PCDHGA6: variants seen among roughly 807,000 people sequenced by gnomAD.
PCDHGA6 encodes protocadherin gamma subfamily A, 6, also known as protocadherin gamma-A6.
A neutral mutation model predicts 60.6 loss-of-function variants in PCDHGA6; 41 were observed. The ratio of observed to expected loss-of-function variants is 0.68; its 90% CI spans 0.53 to 0.88. PCDHGA6 has a LOEUF of 0.88. PCDHGA6 is among the 40% of genes least tolerant of loss of function. The probability of loss-of-function intolerance (pLI) is 0.00; values close to 1 mark genes in which losing one functional copy is unlikely to be tolerated. For missense variants in PCDHGA6, 1,312 were observed against 1,203.0 expected (o/e 1.09, Z -1.34); for synonymous variants, 594 against 524.4 (o/e 1.13, Z -1.81).
intron 1 of PCDHGA6, among the ~76,000 whole-genome samples, chr5:141,460,983 G>GTGTGTGTA (rs1554142949): frequency 2.2e-5 from 3 of 137,844 alleles, no homozygotes; most frequent in African/African-American, 7.7e-5. Flanking sequence ...GTGTGTGTGT[G>GTGTGTGTA]TATATATATA....
At position 141,486,996 on chromosome 5, in the gene PCDHGA6, A is replaced by G; in HGVS notation, c.2425-7811A>G. ...TCAGGTTACAATGCTTGGGTTTCCT[A>G]TCAGCTCCTGGAGGCCCCAGATCCC... On this transcript the variant is annotated intron_variant, in intron 1 of 3. Coordinates refer to ENST00000517434, the MANE Select transcript of PCDHGA6 (RefSeq NM_018919.3). This position sits in a 1 kb window ranked among gnomAD's most constrained non-coding sequence, Gnocchi z 5.0. 6.2e-7 allele frequency: 1 copy of G among 1,614,152 alleles called. No individual in the cohort carries two copies. Among genetic ancestry groups the G allele is most frequent in the Non-Finnish European group, 8.5e-7 (1 of 1,180,032 alleles).
intron 1 of PCDHGA6, chr5:141,394,900 C>T (rs959646500): frequency 3.7e-6 from 6 of 1,613,748 alleles, no homozygotes; most frequent in Non-Finnish European, 3.4e-6. Context: ...CTCGTGGTGG[C>T]AGTGGCTGCC....
chr5:141,474,626 G>A (rs1006911535), intron 1 of PCDHGA6, among the ~76,000 whole-genome samples: 5 of 152,288 alleles, frequency 3.3e-5, no homozygotes, highest in African/African-American at 9.6e-5. Flanking sequence ...CATCTCTTCC[G>A]GAAATATCCT....
chr5:141,443,848 G>A lies in PCDHGA6; in HGVS notation c.2425-50959G>A, dbSNP rs528933391. 2.6e-5 allele frequency among the ~76,000 whole-genome samples: 4 copies of A among 152,272 alleles called. No individual in the cohort carries two copies. The South Asian group carries it at 8.3e-4, about 32-fold the overall frequency. ...TTAGGTAAAATGGGTAATATGGAAA[G>A]TCTGAAAACTGAAAAAATTACTGAT... On this transcript the variant is annotated intron_variant, in intron 1 of 3. Transcript: ENST00000517434.
intron 1 of PCDHGA6, chr5:141,403,224 A>G (rs753308307): frequency 2.0e-5 from 32 of 1,613,820 alleles, no homozygotes; most frequent in Non-Finnish European, 2.5e-5. Context: ...GGTAGGATAG[A>G]CCGGGAGGAG....
intron 1 of PCDHGA6, chr5:141,396,613 C>G (rs1283036515): frequency 6.6e-6 from 1 of 151,276 alleles, no homozygotes; most frequent in Non-Finnish European, 1.5e-5. Context: ...GGGTGAGACT[C>G]CGTCTCAAAA....
intron 1 of PCDHGA6, among the ~76,000 whole-genome samples, chr5:141,420,686 C>T (rs781004859): frequency 1.3e-4 from 20 of 152,258 alleles, no homozygotes; most frequent in Admixed American, 4.6e-4. Context: ...TTATCGGGAC[C>T]GTATTATTTC....
intron 2 of PCDHGA6, among the ~76,000 whole-genome samples, chr5:141,495,994 T>C (rs2099765151): frequency 6.6e-6 from 1 of 152,146 alleles, no homozygotes; most frequent in Non-Finnish European, 1.5e-5. Flanking sequence ...ATCTCTCTTT[T>C]TCTTTTATCT....
Position 141,376,493 on chromosome 5 carries a change from C to T in PCDHGA6, c.2410C>T (p.Pro804Ser), listed in dbSNP as rs1772744309. 1 of 1,614,130 alleles carries T rather than the reference C, an allele frequency of 6.2e-7. No individual in the cohort carries two copies. The highest frequency in any genetic ancestry group is 8.5e-7 in the Non-Finnish European group (1 of 1,180,002). ...TQDLLETKGE[P>S]RQLQQAPPNT... is the part of the protein sequence containing the mutation. ...GGATTTACTTGAAACGAAAGGAGAACCCAGGCAACTTCAGGTGAGTTTCTT... is the reference window on the plus strand; with the variant it reads ...GGATTTACTTGAAACGAAAGGAGAATCCAGGCAACTTCAGGTGAGTTTCTT... The change falls in exon 1 of 4, where the codon CCC (proline) becomes TCC (serine). Residue 804 changes from proline (P) to serine (S), a missense_variant. Coordinates refer to ENST00000517434, the MANE Select transcript of PCDHGA6 (RefSeq NM_018919.3).
intron 2 of PCDHGA6, among the ~76,000 whole-genome samples, chr5:141,505,026 G>A (rs190826538): frequency 4.6e-5 from 7 of 152,316 alleles, no homozygotes; most frequent in African/African-American, 1.7e-4. Context: ...GCCTGGCACA[G>A]TGGCAGGTGC....
chr5:141,432,386 A>C lies in PCDHGA6; in HGVS notation c.2424+55879A>C. 1 of 1,614,204 alleles carries C rather than the reference A, an allele frequency of 6.2e-7. No homozygotes were observed. Among genetic ancestry groups the C allele is most frequent in the Non-Finnish European group, 8.5e-7 (1 of 1,180,032 alleles). ...GCGGGACAACGGGCACCCGCCCCTC[A>C]GCAGCAACGTGTCGTTGAGCCTGTT... On this transcript the variant is annotated intron_variant, in intron 1 of 3. Transcript: ENST00000517434. This position sits in a 1 kb window ranked among gnomAD's most constrained non-coding sequence, Gnocchi z 6.0.
rs1591273286 is a variant in PCDHGA6, at chr5:141,433,311, T to A, written c.2424+56804T>A. 11 of 870,402 alleles carry A rather than the reference T, an allele frequency of 1.3e-5. No individual in the cohort carries two copies. The East Asian group carries it at 2.9e-4, about 23-fold the overall frequency. 53.9% of individuals were successfully genotyped at this position (870,402 alleles called of 1,614,324 possible). A position where few individuals can be genotyped will look rare whatever the true frequency, so the allele number is the denominator to read the frequency against. On this transcript the variant is annotated intron_variant, in intron 1 of 3. Coordinates refer to ENST00000517434, the MANE Select transcript of PCDHGA6 (RefSeq NM_018919.3). Reference sequence around the variant, plus strand: ...TAGGCTCAAGCAATTATCCCACCTTTGCCTCCGGTGTAACAGGGACTACAG... The same window carrying A: ...TAGGCTCAAGCAATTATCCCACCTTAGCCTCCGGTGTAACAGGGACTACAG...
At chr5:141,393,707 T>TG in intron 1 of PCDHGA6, 2 of 1,613,882 alleles carry the variant, frequency 1.2e-6, no homozygotes, top group South Asian at 2.2e-5. Context: ...ATGAAAATAC[T>TG]GGGGAAATAT....
chr5:141,483,245 A>G (rs2099578786), intron 1 of PCDHGA6, among the ~76,000 whole-genome samples: 1 of 151,456 alleles, frequency 6.6e-6, no homozygotes, highest in Non-Finnish European at 1.5e-5. Flanking sequence ...TGATATGCAT[A>G]TATCATGAGG....
rs958652662 is a variant in PCDHGA6, at chr5:141,494,839, T to C, written c.2457T>C (p.Ser819=). 6.2e-7 allele frequency: 1 copy of C among 1,614,106 alleles called. No individual in the cohort carries two copies. Among genetic ancestry groups the C allele is most frequent in the Non-Finnish European group, 8.5e-7 (1 of 1,180,016 alleles). ...QAPPNTDWRF[S]QAQRPGTSGS... ...CGCCCAACACGGACTGGCGTTTCTC[T>C]CAGGCCCAGAGACCCGGCACCAGCG... The change falls in exon 2 of 4, where the codon TCT becomes TCC. Residue 819 remains serine (S), a synonymous_variant. Coordinates refer to ENST00000517434, the MANE Select transcript of PCDHGA6 (RefSeq NM_018919.3).
chr5:141,415,081 C>A, intron 1 of PCDHGA6: 2 of 1,613,522 alleles, frequency 1.2e-6, no homozygotes, highest in Non-Finnish European at 1.7e-6. Flanking sequence ...GGCGCGAGCC[C>A]TGCTGGACAG....
chr5:141,469,553 G>A (rs989713451), intron 1 of PCDHGA6, among the ~76,000 whole-genome samples: 2 of 152,086 alleles, frequency 1.3e-5, no homozygotes, highest in African/African-American at 2.4e-5. Flanking sequence ...CCAGCCTGGC[G>A]ACAGAGTGAG....
At position 141,486,348 on chromosome 5, in the gene PCDHGA6, A is replaced by G. The variant is rs754981437; in HGVS notation, c.2425-8459A>G. ...GATGTGAGCCTCCGCATTCCTGACC[A>G]CTTGCCATTTGCCCTCAAGTCTGCC... is the stretch of plus-strand genomic sequence containing the variant. On this transcript the variant is annotated intron_variant, in intron 1 of 3. Transcript: ENST00000517434. The surrounding 1 kb of genome is among the most constrained non-coding windows in gnomAD (Gnocchi z 5.0). 1.9e-6 allele frequency: 3 copies of G among 1,613,900 alleles called. No individual in the cohort carries two copies. The highest frequency in any genetic ancestry group is 2.5e-6 in the Non-Finnish European group (3 of 1,179,996).
At position 141,429,997 on chromosome 5, in the gene PCDHGA6, G is replaced by A. The variant is rs536289272; in HGVS notation, c.2424+53490G>A. Among the ~76,000 whole-genome samples, 3 of 152,240 alleles carry A rather than the reference G, an allele frequency of 2.0e-5. No homozygotes were observed. The East Asian group carries it at 5.8e-4, about 29-fold the overall frequency. On this transcript the variant is annotated intron_variant, in intron 1 of 3. Transcript: ENST00000517434. ...TCTACTTTATGCTAAAAATATTAAT[G>A]TTTCTTTTTCACTTGGGTTCTTGTT... is the stretch of plus-strand genomic sequence containing the variant.
Sources: gnomAD v4.1 joint callset for allele counts (sites outside exome capture counted in the v4.1 genomes callset) on GRCh38, gnomAD v4.1.1 for gene constraint, Gnocchi (gnomAD v3.1) non-coding constraint, MANE v1.5 for transcripts, NCBI Gene and HGNC (gene_info 2026-07-23, HGNC 2026-07-21) for gene names.